The following MAOA variants were observed in gnomAD, a reference collection of about 807,000 sequenced individuals.
The protein encoded by MAOA is monoamine oxidase A.
Under a neutral mutation model 42.0 loss-of-function variants are expected in MAOA, and 6 were observed. The ratio of observed to expected loss-of-function variants is 0.14; its 90% CI spans 0.08 to 0.28. The LOEUF is 0.28. Ranked by LOEUF, MAOA falls within the 10% of genes least tolerant of loss-of-function variation. MAOA has a pLI of 1.00. For missense variants in MAOA, 262 were observed against 422.3 expected, an observed-to-expected ratio of 0.62 and a Z score of 3.33; for synonymous variants, 140 against 154.0, an observed-to-expected ratio of 0.91 and a Z score of 0.67.
At chrX:43,721,213 A>G (rs1481342347) in intron 5 of MAOA, among the ~76,000 whole-genome samples, 1 of 111,421 alleles carries the variant, frequency 9.0e-6, no homozygotes, top group Non-Finnish European at 1.9e-5. Flanking sequence ...GATGATGTAC[A>G]GTGATGGAAT....
At chrX:43,697,701 T>A (rs769756871) in intron 3 of MAOA, among the ~76,000 whole-genome samples, 1 of 111,592 alleles carries the variant, frequency 9.0e-6, no homozygotes, top group Admixed American at 9.5e-5. Flanking sequence ...GGCAAAAAAG[T>A]AGTGGGTTGG....
rs771131235 is a variant in MAOA, at chrX:43,732,766, G to A, written c.1023G>A (p.Lys341=). The A allele has an allele frequency of 5.8e-6, 7 of 1,207,892 alleles. No individual in the cohort carries two copies. In the Admixed American group the frequency reaches 1.5e-4, roughly 26 times the overall value. Residue 341 remains lysine, a synonymous_variant, in exon 9 of 15, where the codon AAG becomes AAA. Coordinates refer to ENST00000338702, the MANE Select transcript of MAOA (RefSeq NM_000240.4). ...TTTCAATAACCTTGGATGACACCAA[G>A]CCAGATGGGTCACTGCCTGCCATCA... ...APISITLDDT[K]PDGSLPAIMG... is the part of the protein sequence containing the mutation.
At chrX:43,659,454 C>A (rs1368022254) in intron 1 of MAOA, among the ~76,000 whole-genome samples, 1 of 111,558 alleles carries the variant, frequency 9.0e-6, no homozygotes, top group African/African-American at 3.3e-5. Context: ...TTATCCCATA[C>A]TGATTGCTGC....
At chrX:43,731,467 A>C (rs1200042412) in intron 7 of MAOA, 77 bp downstream of exon 7, 4 of 1,042,110 alleles carry the variant, frequency 3.8e-6, no homozygotes, top group Non-Finnish European at 5.3e-6. Context: ...GATATAATTC[A>C]AGCAGTAGCA....
intron 3 of MAOA, among the ~76,000 whole-genome samples, chrX:43,698,502 T>C (rs977684939): frequency 3.6e-5 from 4 of 112,211 alleles, no homozygotes; most frequent in African/African-American, 1.3e-4. Flanking sequence ...TTGCTTAATA[T>C]TTATATTTAT....
At chrX:43,718,311 C>T (rs2033760960) in intron 5 of MAOA, among the ~76,000 whole-genome samples, 1 of 94,423 alleles carries the variant, frequency 1.1e-5, no homozygotes, top group African/African-American at 4.2e-5. Context: ...AGACAGGGTA[C>T]ATTGGGTTTA....
At chrX:43,726,076 C>T (rs906392436) in intron 5 of MAOA, among the ~76,000 whole-genome samples, 19 of 111,562 alleles carry the variant, frequency 1.7e-4, no homozygotes, top group African/African-American at 5.5e-4. Flanking sequence ...GTGGGTAACT[C>T]GACCTTTCTG....
chrX:43,734,873 A>G (rs1450312906), intron 9 of MAOA, among the ~76,000 whole-genome samples: 1 of 109,960 alleles, frequency 9.1e-6, no homozygotes, highest in Non-Finnish European at 1.9e-5. Flanking sequence ...TTGACTAAAA[A>G]TGTTTTCAGA....
At chrX:43,668,903 G>A (rs762548452) in intron 1 of MAOA, among the ~76,000 whole-genome samples, 1 of 111,623 alleles carries the variant, frequency 9.0e-6, no homozygotes, top group Non-Finnish European at 1.9e-5. Context: ...GATTTATTTG[G>A]AGGAATTAAG....
chrX:43,668,340 G>A (rs971879857), intron 1 of MAOA, among the ~76,000 whole-genome samples: 9 of 111,606 alleles, frequency 8.1e-5, no homozygotes, highest in East Asian at 5.6e-4. Flanking sequence ...TTTCCTTATT[G>A]ACTTGTGAGA....
intron 3 of MAOA, among the ~76,000 whole-genome samples, chrX:43,699,517 C>CT (rs1292131905): frequency 1.8e-5 from 2 of 111,136 alleles, no homozygotes; most frequent in African/African-American, 3.3e-5. Flanking sequence ...GTTCTTCCTG[C>CT]TTTTCACGTC....
chrX:43,707,896 A>G (rs903871528), intron 3 of MAOA, among the ~76,000 whole-genome samples: 2 of 112,063 alleles, frequency 1.8e-5, no homozygotes, highest in African/African-American at 6.5e-5. Context: ...TAACTCAAAT[A>G]TAAAAGTACA....
At chrX:43,657,710 A>G (rs1023414381) in intron 1 of MAOA, among the ~76,000 whole-genome samples, 1 of 112,173 alleles carries the variant, frequency 8.9e-6, no homozygotes, top group South Asian at 3.7e-4. Context: ...GATCTGATTC[A>G]GAAAGAGAAA....
intron 1 of MAOA, among the ~76,000 whole-genome samples, chrX:43,678,821 A>C (rs1470351162): frequency 8.9e-6 from 1 of 112,284 alleles, no homozygotes; most frequent in Non-Finnish European, 1.9e-5. Flanking sequence ...CTGTACTTTG[A>C]CTTACTAAGC....
intron 5 of MAOA, among the ~76,000 whole-genome samples, chrX:43,713,039 G>A (rs903201344): frequency 8.9e-6 from 1 of 112,284 alleles, no homozygotes; most frequent in African/African-American, 3.2e-5. Flanking sequence ...TGTGTGATCT[G>A]CAATAAAATC....
At chrX:43,728,027 A>C (rs1266095328) in intron 5 of MAOA, 146 bp from the exon 6 acceptor site, 1 of 588,428 alleles carries the variant, frequency 1.7e-6, no homozygotes, top group African/African-American at 2.2e-5. Context: ...TAAAGAATGC[A>C]TTCCTTCAGA....
At chrX:43,671,551 T>C (rs1422605657) in intron 1 of MAOA, among the ~76,000 whole-genome samples, 2 of 108,866 alleles carry the variant, frequency 1.8e-5, no homozygotes, top group Admixed American at 2.0e-4. Flanking sequence ...GCCTAGGTTT[T>C]CTTCTAGGGT....
At chrX:43,666,574 A>G (rs183762506) in intron 1 of MAOA, among the ~76,000 whole-genome samples, 7 of 110,938 alleles carry the variant, frequency 6.3e-5, no homozygotes, top group African/African-American at 2.3e-4. Context: ...CTGCCTCTTT[A>G]CTAGTCTCTG....
At chrX:43,682,479 C>T (rs2033452199) in intron 1 of MAOA, among the ~76,000 whole-genome samples, 1 of 111,476 alleles carries the variant, frequency 9.0e-6, no homozygotes, top group African/African-American at 3.3e-5. Flanking sequence ...AGAATTTGAG[C>T]AACGAAATAA....
Sources: allele counts gnomAD v4.1 joint callset (sites outside exome capture counted in the v4.1 genomes callset), GRCh38; gene constraint gnomAD v4.1.1; transcripts MANE v1.5; gene names NCBI Gene and HGNC (gene_info 2026-07-23, HGNC 2026-07-21).